ANTXR1: variants seen among roughly 807,000 people sequenced by gnomAD.
ANTXR1 encodes anthrax toxin receptor 1.
ANTXR1 carries 19 observed loss-of-function variants against 78.1 expected under a neutral mutation model. The ratio of observed to expected loss-of-function variants is 0.24; its 90% CI spans 0.17 to 0.36. The LOEUF is 0.36. Among genes scored for constraint, ANTXR1 ranks in the 10% least tolerant of loss-of-function variants. The pLI is 1.00. For missense variants in ANTXR1, 518 were observed against 718.6 expected, an observed-to-expected ratio of 0.72 and a Z score of 3.19; for synonymous variants, 273 against 260.5, an observed-to-expected ratio of 1.05 and a Z score of -0.46.
intron 1 of ANTXR1, among the ~76,000 whole-genome samples, chr2:69,033,705 T>C (rs912205819): frequency 2.0e-5 from 3 of 152,312 alleles, no homozygotes; most frequent in African/African-American, 7.2e-5. Flanking sequence ...AAGTAGAAAT[T>C]GGCAGTTTTA....
intron 3 of ANTXR1, among the ~76,000 whole-genome samples, chr2:69,056,745 C>T (rs1390156365): frequency 6.6e-6 from 1 of 152,188 alleles, no homozygotes; most frequent in East Asian, 1.9e-4. Flanking sequence ...GCGATCTTGG[C>T]TCACTACAAC....
At chr2:69,224,230 C>T (rs574704918) in intron 17 of ANTXR1, among the ~76,000 whole-genome samples, 1 of 152,294 alleles carries the variant, frequency 6.6e-6, no homozygotes, top group African/African-American at 2.4e-5. Flanking sequence ...CCTCATCAAT[C>T]GTCAGATTGT....
chr2:69,047,600 G>C (rs1558741767), intron 3 of ANTXR1, among the ~76,000 whole-genome samples: 2 of 151,882 alleles, frequency 1.3e-5, no homozygotes, highest in Non-Finnish European at 2.9e-5. Context: ...CTATAAACTT[G>C]TCTGTCACCA....
chr2:69,072,997 A>C, intron 5 of ANTXR1, 25 bp from the exon 6 acceptor site: 1 of 1,611,670 alleles, frequency 6.2e-7, no homozygotes. Context: ...GGGTGGACTG[A>C]GCCAGTCTGT....
At chr2:69,100,964 A>C (rs1335554621) in intron 9 of ANTXR1, among the ~76,000 whole-genome samples, 1 of 152,180 alleles carries the variant, frequency 6.6e-6, no homozygotes, top group Non-Finnish European at 1.5e-5. Flanking sequence ...TATGCTCCTG[A>C]AAAAACCATA....
chr2:69,142,319 G>A lies in ANTXR1; in HGVS notation c.952-9850G>A, dbSNP rs1231556895. ...ATTCCCCTCATTCTATTAAACACTT[G>A]AAGGGCATTTAGTGGCAATTTGTGT... On this transcript the variant is annotated intron_variant, in intron 12 of 17. Transcript: ENST00000303714. 6.6e-5 allele frequency among the ~76,000 whole-genome samples: 10 copies of A among 152,336 alleles called. No homozygotes were observed. In the East Asian group the frequency reaches 1.9e-3, roughly 29 times the overall value.
intron 13 of ANTXR1, among the ~76,000 whole-genome samples, chr2:69,152,603 C>T (rs1014604203): frequency 5.3e-5 from 8 of 152,152 alleles, no homozygotes; most frequent in African/African-American, 7.2e-5. Context: ...CCTCTGTGTA[C>T]GGTACACACA....
At position 69,205,492 on chromosome 2, in the gene ANTXR1, C is replaced by T. The variant is rs139709999; in HGVS notation, c.1434+12077C>T. On this transcript the variant is annotated intron_variant, in intron 17 of 17. Transcript: ENST00000303714. ...ATTGTCTGGCCCTTCCTTCCTCCTC[C>T]GCTTACAGCCACAAAGTTTAGCACC... Among the ~76,000 whole-genome samples, 401 of 152,288 alleles carry T rather than the reference C, an allele frequency of 2.6e-3. 1 individual carries two copies. The highest frequency in any genetic ancestry group is 0.017 in the Middle Eastern group (5 of 294).
At chr2:69,068,707 A>G (rs563108565) in intron 3 of ANTXR1, among the ~76,000 whole-genome samples, 8 of 152,314 alleles carry the variant, frequency 5.3e-5, no homozygotes, top group African/African-American at 1.9e-4. Context: ...GCCAGAGTGA[A>G]TGCCATGATT....
At chr2:69,052,838 C>G (rs937202497) in intron 3 of ANTXR1, among the ~76,000 whole-genome samples, 4 of 151,738 alleles carry the variant, frequency 2.6e-5, no homozygotes, top group Non-Finnish European at 5.9e-5. Context: ...AATTACCAGT[C>G]TAAGTTGTTT....
At chr2:69,181,971 A>G in intron 15 of ANTXR1, 90 bp downstream of exon 15, 7 of 1,274,886 alleles carry the variant, frequency 5.5e-6, no homozygotes, top group Non-Finnish European at 8.0e-6. Context: ...GCCTCTAGAT[A>G]TCAGGCATGC....
At chr2:69,097,902 A>T (rs1363049877) in intron 9 of ANTXR1, among the ~76,000 whole-genome samples, 1 of 152,270 alleles carries the variant, frequency 6.6e-6, no homozygotes, top group African/African-American at 2.4e-5. Flanking sequence ...ATACTCAGCA[A>T]TAAAAAGCAA....
intron 1 of ANTXR1, among the ~76,000 whole-genome samples, chr2:69,015,629 A>G (rs1042278689): frequency 3.9e-5 from 6 of 152,176 alleles, no homozygotes; most frequent in African/African-American, 1.4e-4. Flanking sequence ...AATATTTAGA[A>G]TGAAATGATC....
At chr2:69,088,280 G>C (rs1671119358) in intron 8 of ANTXR1, among the ~76,000 whole-genome samples, 1 of 152,134 alleles carries the variant, frequency 6.6e-6, no homozygotes, top group Non-Finnish European at 1.5e-5. Context: ...ACTCGGGTTG[G>C]GTAAAAATTT....
intron 11 of ANTXR1, among the ~76,000 whole-genome samples, chr2:69,123,484 C>G (rs142868901): frequency 6.6e-6 from 1 of 152,160 alleles, no homozygotes; most frequent in Non-Finnish European, 1.5e-5. Flanking sequence ...ACCATTGCCC[C>G]GCTAGATAAT....
intron 8 of ANTXR1, among the ~76,000 whole-genome samples, chr2:69,081,796 A>C (rs1670908606): frequency 6.6e-6 from 1 of 152,214 alleles, no homozygotes; most frequent in Non-Finnish European, 1.5e-5. Flanking sequence ...AATAATCAAA[A>C]CCACCATTCA....
chr2:69,151,229 TCGCC>T (rs1673385803), intron 12 of ANTXR1, among the ~76,000 whole-genome samples: 1 of 146,106 alleles, frequency 6.8e-6, no homozygotes, highest in Non-Finnish European at 1.5e-5. Flanking sequence ...TCTCGCTCTG[TCGCC>T]CAGGCTGGAG....
chr2:69,044,035 G>C (rs1293627787), intron 2 of ANTXR1, among the ~76,000 whole-genome samples: 1 of 152,210 alleles, frequency 6.6e-6, no homozygotes, highest in East Asian at 1.9e-4. Flanking sequence ...CCATCTTGCA[G>C]ACTGAGAAAC....
rs1440274514 is a variant in ANTXR1 at position 69,248,915 on chromosome 2, C to A, written c.*3430C>A. 6.6e-6 allele frequency: 1 copy of A among 152,168 alleles called. No homozygotes were observed. The highest frequency in any genetic ancestry group is 2.4e-5 in the African/African-American group (1 of 41,430). The allele number at this position is 152,168 out of a possible 1,614,324, so 9.4% of individuals were successfully genotyped here. A position where few individuals can be genotyped will look rare whatever the true frequency, so the allele number is the denominator to read the frequency against. Reference sequence around the variant, plus strand: ...ATTGCCTTTTCTTGTTATCTGAGCTCTCCTATATTATCATACTCAGATAAC... The same window carrying A: ...ATTGCCTTTTCTTGTTATCTGAGCTATCCTATATTATCATACTCAGATAAC... On this transcript the variant is annotated 3_prime_UTR_variant, in exon 18 of 18. Coordinates refer to ENST00000303714, the MANE Select transcript of ANTXR1 (RefSeq NM_032208.3).
Sources: allele counts gnomAD v4.1 joint callset (sites outside exome capture counted in the v4.1 genomes callset), GRCh38; gene constraint gnomAD v4.1.1; transcripts MANE v1.5; gene names NCBI Gene and HGNC (gene_info 2026-07-23, HGNC 2026-07-21).